The following CACNA2D3 variants were observed in gnomAD, a reference collection of about 807,000 sequenced individuals.
CACNA2D3 encodes the protein voltage-dependent calcium channel subunit alpha-2/delta-3.
In CACNA2D3, 60 loss-of-function variants were observed where a neutral mutation model predicts 160.6. That is an observed-to-expected ratio of 0.37 (90% confidence interval 0.30 to 0.46). CACNA2D3 has a LOEUF of 0.46. Among genes scored for constraint, CACNA2D3 ranks in the 20% least tolerant of loss-of-function variants. The probability of loss-of-function intolerance (pLI) is 1.00; values close to 1 mark genes in which losing one functional copy is unlikely to be tolerated. For synonymous variants in CACNA2D3, 558 were observed against 492.9 expected (o/e 1.13, Z -1.75); for missense variants, 1,205 against 1,365.0 (o/e 0.88, Z 1.85).
At chr3:54,513,831 T>A (rs1559501709) in intron 5 of CACNA2D3, among the ~76,000 whole-genome samples, 1 of 152,088 alleles carries the variant, frequency 6.6e-6, no homozygotes, top group East Asian at 1.9e-4. Flanking sequence ...CAGGTGCACA[T>A]CACCATGCCC....
intron 2 of CACNA2D3, among the ~76,000 whole-genome samples, chr3:54,300,004 A>T (rs1046262083): frequency 6.6e-6 from 1 of 152,148 alleles, no homozygotes; most frequent in Admixed American, 6.5e-5. Context: ...TGCTGCTCGG[A>T]TGTATTTTTC....
At chr3:54,422,738 C>T (rs774058765) in intron 4 of CACNA2D3, among the ~76,000 whole-genome samples, 8 of 152,260 alleles carry the variant, frequency 5.3e-5, no homozygotes, top group Non-Finnish European at 1.0e-4. Context: ...GGTATAGCCA[C>T]ACTGCAGATC....
intron 13 of CACNA2D3, among the ~76,000 whole-genome samples, chr3:54,785,056 G>A (rs1702609608): frequency 6.6e-6 from 1 of 152,168 alleles, no homozygotes; most frequent in Non-Finnish European, 1.5e-5. Flanking sequence ...CAGAACCAGA[G>A]TAACTGCACA....
chr3:54,408,805 A>G (rs2106721278), intron 4 of CACNA2D3, among the ~76,000 whole-genome samples: 1 of 152,144 alleles, frequency 6.6e-6, no homozygotes, highest in East Asian at 1.9e-4. Flanking sequence ...TATCTTGTTA[A>G]TTTTTTTCAC....
intron 11 of CACNA2D3, among the ~76,000 whole-genome samples, chr3:54,656,713 G>A (rs572364966): frequency 1.3e-5 from 2 of 152,294 alleles, no homozygotes; most frequent in Non-Finnish European, 2.9e-5. Flanking sequence ...CAATCAAATC[G>A]CATGACTTCC....
In CACNA2D3 at chr3:54,880,853, C is replaced by T; in HGVS notation, c.1902C>T (p.Thr634=). ...AATATTTCTTCCGAGGGAATGTAAC[C>T]ATCGAAGAAGGTAAGATACTGCCTG... The part of the protein sequence containing the change: ...HGKYFFRGNV[T]IEEGLHDLEH... Residue 634 remains threonine, a synonymous_variant, in exon 21 of 38, where the codon ACC becomes ACT. Coordinates refer to ENST00000474759, the MANE Select transcript of CACNA2D3 (RefSeq NM_018398.3). The T allele has an allele frequency of 4.3e-6, 7 of 1,613,652 alleles. No individual in the cohort carries two copies. The highest frequency in any genetic ancestry group is 5.9e-6 in the Non-Finnish European group (7 of 1,179,620).
intron 11 of CACNA2D3, among the ~76,000 whole-genome samples, chr3:54,684,755 TAA>T (rs5849052): frequency 2.0e-5 from 3 of 151,630 alleles, no homozygotes; most frequent in African/African-American, 7.3e-5. Flanking sequence ...TTTGTCATGT[TAA>T]AAAAAAAATC....
chr3:54,849,720 C>T (rs538970833), intron 17 of CACNA2D3, among the ~76,000 whole-genome samples: 7 of 152,228 alleles, frequency 4.6e-5, no homozygotes, highest in African/African-American at 1.4e-4. Context: ...TAGTTCTGGC[C>T]AAGGCTGCCA....
chr3:54,460,484 C>T (rs973363437), intron 4 of CACNA2D3, among the ~76,000 whole-genome samples: 1 of 152,168 alleles, frequency 6.6e-6, no homozygotes, highest in Admixed American at 6.5e-5. Context: ...TTGAAGAGGT[C>T]CTTCACATCC....
chr3:55,070,133 G>T (rs970956206), intron 35 of CACNA2D3, among the ~76,000 whole-genome samples: 1 of 152,312 alleles, frequency 6.6e-6, no homozygotes, highest in African/African-American at 2.4e-5. Flanking sequence ...AGGCAGTCAG[G>T]TGCAGCCCTG....
Position 54,871,182 on chromosome 3 carries a change from GACACAC to G in CACNA2D3, c.1627-320_1627-315del, listed in dbSNP as rs376258511. The stretch of plus-strand genomic sequence containing the variant: ...TTTACATGTATACCATATAGGTGGA[GACACAC>G]ACACACACACACACACACACACACA... On this transcript the variant is annotated intron_variant, in intron 17 of 37. Transcript: ENST00000474759. 4.5e-4 allele frequency among the ~76,000 whole-genome samples: 57 copies of G among 127,778 alleles called. 1 individual carries two copies. Among genetic ancestry groups the G allele is most frequent in the African/African-American group, 6.8e-4 (20 of 29,380 alleles). 83.8% of individuals were successfully genotyped at this position (127,778 alleles called of 152,430 possible).
intron 2 of CACNA2D3, among the ~76,000 whole-genome samples, chr3:54,207,885 T>C (rs370699737): frequency 2.0e-5 from 3 of 152,100 alleles, no homozygotes; most frequent in Admixed American, 6.5e-5. Context: ...ATGACACTTA[T>C]CCATTATCCA....
At chr3:54,636,330 G>T (rs1006179877) in intron 10 of CACNA2D3, among the ~76,000 whole-genome samples, 8 of 151,974 alleles carry the variant, frequency 5.3e-5, no homozygotes, top group Non-Finnish European at 5.9e-5. Context: ...ACACAGTCGT[G>T]GGGGTCAGGT....
Position 54,899,845 on chromosome 3 carries a change from A to G in CACNA2D3, c.2426A>G (p.Glu809Gly), listed in dbSNP as rs41277457. 9,176 of 1,605,322 alleles carry G rather than the reference A, an allele frequency of 5.7e-3. 52 individuals carry two copies. Among genetic ancestry groups the G allele is most frequent in the Non-Finnish European group, 6.7e-3 (7,870 of 1,175,422 alleles). Residue 809 changes from glutamate to glycine, a missense_variant, in exon 27 of 38, where the codon GAA becomes GGA. Glu to Gly is a moderately conservative substitution (Grantham distance 98). Transcript: ENST00000474759. The stretch of plus-strand genomic sequence containing the variant: ...AGTACATCCATCCAGCTCCTGGATG[A>G]ACGGAAATCTCCTGTGGTGGCAGGT... Reference protein sequence around the residue: ...TASTSIQLLDERKSPVVAAVG... With the variant: ...TASTSIQLLDGRKSPVVAAVG...
intron 3 of CACNA2D3, among the ~76,000 whole-genome samples, chr3:54,366,264 G>A (rs973700992): frequency 1.3e-5 from 2 of 152,148 alleles, no homozygotes; most frequent in African/African-American, 4.8e-5. Flanking sequence ...AATGAGTCTA[G>A]TCAGAGACAC....
At chr3:54,970,447 CCCCTCCTCTCCTCCCCTCCGTT>C in intron 29 of CACNA2D3, among the ~76,000 whole-genome samples, 1 of 122,148 alleles carries the variant, frequency 8.2e-6, no homozygotes, top group South Asian at 3.2e-4. Flanking sequence ...CCCCTCCCCT[CCCCTCCTCTCCTCCCCTCCGTT>C]CCTCACCCCT....
chr3:55,053,633 A>G (rs532499998), intron 35 of CACNA2D3, among the ~76,000 whole-genome samples: 1 of 152,112 alleles, frequency 6.6e-6, no homozygotes, highest in East Asian at 1.9e-4. Flanking sequence ...ATTGAATTTT[A>G]TATCCTGCAT....
At chr3:54,724,936 T>C (rs1359975339) in intron 11 of CACNA2D3, among the ~76,000 whole-genome samples, 1 of 151,944 alleles carries the variant, frequency 6.6e-6, no homozygotes. Context: ...CTGAAGGAGA[T>C]ACAGACACGA....
chr3:54,386,720 G>C lies in CACNA2D3; in HGVS notation c.327G>C (p.Leu109=). Residue 109 remains leucine, a synonymous_variant, in exon 4 of 38, where the codon CTG becomes CTC. Coordinates refer to ENST00000474759, the MANE Select transcript of CACNA2D3 (RefSeq NM_018398.3). The part of the protein sequence containing the change: ...FHKKSEAVRR[L]VEAAEEAHLK... ...TTTTTTTTTTTTTTTTTTAGCGTCT[G>C]GTGGAGGCTGCAGAAGAAGCACACC... 1 of 1,532,892 alleles carries C rather than the reference G, an allele frequency of 6.5e-7. No individual in the cohort carries two copies. Among genetic ancestry groups the C allele is most frequent in the East Asian group, 2.3e-5 (1 of 43,068 alleles). The allele number at this position is 1,532,892 out of a possible 1,614,324, so 95.0% of individuals were successfully genotyped here. A position where few individuals can be genotyped will look rare whatever the true frequency, so the allele number is the denominator to read the frequency against.
Sources: gnomAD v4.1 joint callset for allele counts (sites outside exome capture counted in the v4.1 genomes callset) on GRCh38, gnomAD v4.1.1 for gene constraint, MANE v1.5 for transcripts, NCBI Gene and HGNC (gene_info 2026-07-23, HGNC 2026-07-21) for gene names.